VPS35L: variants seen among roughly 807,000 people sequenced by gnomAD.
VPS35L encodes the protein VPS35 endosomal protein-sorting factor-like.
VPS35L carries 83 observed loss-of-function variants against 133.0 expected under a neutral mutation model. That is an observed-to-expected ratio of 0.62 (90% confidence interval 0.52 to 0.75). The LOEUF is 0.75. Ranked by LOEUF, VPS35L falls within the 30% of genes least tolerant of loss-of-function variation. The pLI is 0.00. For missense variants in VPS35L, 1,083 were observed against 1,206.8 expected, an observed-to-expected ratio of 0.90 and a Z score of 1.52; for synonymous variants, 423 against 449.9, an observed-to-expected ratio of 0.94 and a Z score of 0.76.
Position 19,682,273 on chromosome 16 carries a change from G to A in VPS35L, c.2410G>A (p.Val804Met), listed in dbSNP as rs373111547. The A allele has an allele frequency of 2.7e-5, 43 of 1,613,900 alleles. No individual in the cohort carries two copies. The highest frequency in any genetic ancestry group is 3.6e-5 in the Non-Finnish European group (43 of 1,180,028). Residue 804 changes from valine to methionine, a missense_variant, in exon 28 of 31, where the codon GTG (valine) becomes ATG (methionine). Val to Met is a conservative substitution (Grantham distance 21). Transcript: ENST00000417362. ...GTTTCTTGTTCGAGAGCTTCTCAACGTGATCCAGGACTACACCTGGGAGGA... is the reference window on the plus strand; with the variant it reads ...GTTTCTTGTTCGAGAGCTTCTCAACATGATCCAGGACTACACCTGGGAGGA... ...VLFLVRELLNVIQDYTWEDNS... is the reference protein window; with the variant it reads ...VLFLVRELLNMIQDYTWEDNS...
At chr16:19,565,846 C>A (rs11646464) in intron 2 of VPS35L, among the ~76,000 whole-genome samples, 1 of 152,064 alleles carries the variant, frequency 6.6e-6, no homozygotes, top group African/African-American at 2.4e-5. Flanking sequence ...AAGAGTCACT[C>A]TAATTGCCAG....
intron 2 of VPS35L, among the ~76,000 whole-genome samples, chr16:19,567,247 G>C (rs1379837212): frequency 1.3e-5 from 2 of 152,218 alleles, no homozygotes; most frequent in Admixed American, 6.5e-5. Flanking sequence ...GAGAAGAGCT[G>C]CTGCAGCTCC....
chr16:19,601,836 T>G lies in VPS35L; in HGVS notation c.784+113T>G, dbSNP rs1972393849. ...ATAAAGGTTTTAATTTTGGGTGTGTTAAAGTAAAAGAAACACCTTTGAAGA... is the reference window on the plus strand; with the variant it reads ...ATAAAGGTTTTAATTTTGGGTGTGTGAAAGTAAAAGAAACACCTTTGAAGA... On this transcript the variant is annotated intron_variant, in intron 9 of 30. Transcript: ENST00000417362. 3.6e-6 allele frequency: 4 copies of G among 1,100,758 alleles called. No homozygotes were observed. The East Asian group carries it at 7.9e-5, about 22-fold the overall frequency. The allele number at this position is 1,100,758 out of a possible 1,614,324, so 68.2% of individuals were successfully genotyped here.
Position 19,603,445 on chromosome 16 carries a change from G to A in VPS35L, c.784+1722G>A, listed in dbSNP as rs1972449129. 1.3e-5 allele frequency among the ~76,000 whole-genome samples: 2 copies of A among 152,194 alleles called. 1 individual carries two copies. The highest frequency in any genetic ancestry group is 4.1e-4 in the South Asian group (2 of 4,832). On this transcript the variant is annotated intron_variant, in intron 9 of 30. Coordinates refer to ENST00000417362, the MANE Select transcript of VPS35L (RefSeq NM_020314.7). The stretch of plus-strand genomic sequence containing the variant: ...AAAGTAGCTCACTAATAGTGTTTAT[G>A]TTGATTACATGTTGAAACGGTATTC...
intron 27 of VPS35L, among the ~76,000 whole-genome samples, chr16:19,678,388 G>A (rs1037012579): frequency 4.6e-5 from 7 of 151,248 alleles, no homozygotes; most frequent in Admixed American, 6.6e-5. Flanking sequence ...CACTGGAAGC[G>A]CCATCTGAAT....
intron 5 of VPS35L, among the ~76,000 whole-genome samples, chr16:19,577,839 G>A (rs1425786705): frequency 6.6e-6 from 1 of 152,190 alleles, no homozygotes; most frequent in Non-Finnish European, 1.5e-5. Flanking sequence ...GAACCCAACC[G>A]GAAAGCAGGC....
rs1165206381 is a variant in VPS35L, at chr16:19,577,111, T to C, written c.434-1941T>C. Among the ~76,000 whole-genome samples the C allele has an allele frequency of 2.0e-5, 3 of 152,202 alleles. No individual in the cohort carries two copies. The East Asian group carries it at 5.8e-4, about 29-fold the overall frequency. On this transcript the variant is annotated intron_variant, in intron 5 of 30. Transcript: ENST00000417362. ...ATACCAAGTGTCTTAGTTTGTTTAG[T>C]GGTACTATAAAGGAATACCAGAGGC...
chr16:19,610,506 A>G lies in VPS35L; in HGVS notation c.1023+91A>G. 5 of 917,374 alleles carry G rather than the reference A, an allele frequency of 5.5e-6. No individual in the cohort carries two copies. In the South Asian group the frequency reaches 8.4e-5, roughly 16 times the overall value. The allele number at this position is 917,374 out of a possible 1,614,324, so 56.8% of individuals were successfully genotyped here. On this transcript the variant is annotated intron_variant, in intron 12 of 30. Transcript: ENST00000417362. ...GGGCCCTCCTTCCCCACCACCCCGC[A>G]AGTCATTGAGAGAAGGACTTTATTA...
chr16:19,654,317 T>C (rs963232744), intron 26 of VPS35L, among the ~76,000 whole-genome samples: 1 of 152,064 alleles, frequency 6.6e-6, no homozygotes, highest in African/African-American at 2.4e-5. Context: ...GTTTACTTGC[T>C]TATTGTCTCT....
rs564613476 is a variant in VPS35L, at chr16:19,617,192, C to A, written c.1224+384C>A. 4 of 508,000 alleles carry A rather than the reference C, an allele frequency of 7.9e-6. No homozygotes were observed. The East Asian group carries it at 1.0e-4, about 13-fold the overall frequency. The allele number at this position is 508,000 out of a possible 1,614,324, so 31.5% of individuals were successfully genotyped here. On this transcript the variant is annotated intron_variant, in intron 14 of 30. Coordinates refer to ENST00000417362, the MANE Select transcript of VPS35L (RefSeq NM_020314.7). Reference sequence around the variant, plus strand: ...GCAACATAGCAAAACTCCATCTCTACAAAAAAATAGAAAAAATTAGCCAGA... The same window carrying A: ...GCAACATAGCAAAACTCCATCTCTAAAAAAAAATAGAAAAAATTAGCCAGA...
intron 26 of VPS35L, among the ~76,000 whole-genome samples, chr16:19,653,083 A>C (rs977851418): frequency 2.0e-5 from 3 of 152,196 alleles, no homozygotes; most frequent in Non-Finnish European, 4.4e-5. Context: ...GTGTTTCTCC[A>C]TCTGAAGGGC....
At chr16:19,560,011 G>A (rs998689213) in intron 1 of VPS35L, among the ~76,000 whole-genome samples, 1 of 152,088 alleles carries the variant, frequency 6.6e-6, no homozygotes, top group East Asian at 1.9e-4. Flanking sequence ...CCCAGAAGCA[G>A]TATTTTTCAC....
intron 24 of VPS35L, among the ~76,000 whole-genome samples, chr16:19,648,484 G>T (rs915814634): frequency 1.3e-5 from 2 of 152,098 alleles, no homozygotes; most frequent in African/African-American, 4.8e-5. Flanking sequence ...GTAACAAGAG[G>T]TTCCCTACTT....
intron 9 of VPS35L, chr16:19,607,795 G>T (rs1972580376): frequency 5.8e-6 from 1 of 173,226 alleles, no homozygotes; most frequent in Non-Finnish European, 1.2e-5. Flanking sequence ...GGCTAAGAAT[G>T]TCGGCCGCAG....
At chr16:19,581,765 C>A in intron 7 of VPS35L, 112 bp downstream of exon 7, 2 of 1,272,812 alleles carry the variant, frequency 1.6e-6, no homozygotes, top group Non-Finnish European at 1.1e-6. Flanking sequence ...GTTTTCTCAT[C>A]CCTTTCTTTT....
chr16:19,586,138 G>T (rs1019662502), intron 7 of VPS35L, among the ~76,000 whole-genome samples: 1 of 152,092 alleles, frequency 6.6e-6, no homozygotes, highest in East Asian at 1.9e-4. Flanking sequence ...GTGCTCAAGC[G>T]ATCCTTTCAT....
chr16:19,664,312 C>T (rs1597408959), intron 26 of VPS35L, among the ~76,000 whole-genome samples: 1 of 152,114 alleles, frequency 6.6e-6, no homozygotes, highest in East Asian at 1.9e-4. Context: ...TGGAGTTTCT[C>T]TTACTACGAA....
chr16:19,591,958 G>A lies in VPS35L; in HGVS notation c.724+84G>A. The A allele has an allele frequency of 3.6e-6, 4 of 1,111,784 alleles. No homozygotes were observed. The South Asian group carries it at 5.1e-5, about 14-fold the overall frequency. 68.9% of individuals were successfully genotyped at this position (1,111,784 alleles called of 1,614,324 possible). On this transcript the variant is annotated intron_variant, in intron 8 of 30. Transcript: ENST00000417362. ...GGGTGGTAGAGTTACTGTAAATTAGGTTCTGCTGTGGTTTAAGTTATTAAG... is the reference window on the plus strand; with the variant it reads ...GGGTGGTAGAGTTACTGTAAATTAGATTCTGCTGTGGTTTAAGTTATTAAG...
At chr16:19,634,008 G>A (rs1597380588) in intron 19 of VPS35L, among the ~76,000 whole-genome samples, 1 of 152,154 alleles carries the variant, frequency 6.6e-6, no homozygotes, top group Non-Finnish European at 1.5e-5. Context: ...TTACAGGCAT[G>A]AGCCACTGCA....
Sources: allele counts gnomAD v4.1 joint callset (sites outside exome capture counted in the v4.1 genomes callset), GRCh38; gene constraint gnomAD v4.1.1; transcripts MANE v1.5; gene names NCBI Gene and HGNC (gene_info 2026-07-23, HGNC 2026-07-21).